Variants in CSMD1 observed in about 807,000 individuals in gnomAD.
CSMD1 encodes the protein CUB and Sushi multiple domains 1.
In CSMD1, 213 loss-of-function variants were observed where a neutral mutation model predicts 417.5. The ratio of observed to expected loss-of-function variants is 0.51; its 90% CI spans 0.46 to 0.57. The LOEUF is 0.57. CSMD1 is among the 20% of genes least tolerant of loss of function. The pLI is 0.00. For missense variants in CSMD1, 6,923 were observed against 4,529.7 expected (o/e 1.53, Z -15.17); for synonymous variants, 2,862 against 1,736.8 (o/e 1.65, Z -16.11).
intron 2 of CSMD1, among the ~76,000 whole-genome samples, chr8:4,582,882 G>A (rs986715083): frequency 3.9e-5 from 6 of 152,364 alleles, no homozygotes; most frequent in Admixed American, 2.6e-4. Flanking sequence ...GCCAGCTGGA[G>A]TTCCGGGTGG....
At chr8:4,836,615 G>A (rs1382823829) in intron 1 of CSMD1, among the ~76,000 whole-genome samples, 1 of 152,194 alleles carries the variant, frequency 6.6e-6, no homozygotes, top group East Asian at 1.9e-4. Context: ...TGTATACTCT[G>A]CTTTTGTTCT....
intron 3 of CSMD1, among the ~76,000 whole-genome samples, chr8:4,370,117 T>G (rs1202667079): frequency 6.6e-6 from 1 of 151,856 alleles, no homozygotes; most frequent in Non-Finnish European, 1.5e-5. Context: ...GCCTTTTAGA[T>G]AGTCTGGTAA....
At chr8:3,308,722 C>T (rs969740874) in intron 23 of CSMD1, among the ~76,000 whole-genome samples, 3 of 140,552 alleles carry the variant, frequency 2.1e-5, no homozygotes, top group Non-Finnish European at 4.6e-5. Flanking sequence ...TTGTTCCTCC[C>T]TACTTACAAG....
intron 1 of CSMD1, among the ~76,000 whole-genome samples, chr8:4,852,093 T>C (rs369747284): frequency 2.0e-5 from 3 of 152,200 alleles, no homozygotes; most frequent in African/African-American, 7.2e-5. Context: ...TCTCTTTATA[T>C]CTTTTACTTG....
intron 30 of CSMD1, among the ~76,000 whole-genome samples, chr8:3,208,540 C>G (rs1347150070): frequency 6.6e-6 from 1 of 152,128 alleles, no homozygotes; most frequent in Non-Finnish European, 1.5e-5. Context: ...GCTGGGATTA[C>G]AGGGCTGAGC....
intron 3 of CSMD1, among the ~76,000 whole-genome samples, chr8:4,182,819 A>C (rs1286403482): frequency 6.6e-6 from 1 of 152,306 alleles, no homozygotes; most frequent in East Asian, 1.9e-4. Context: ...TAAAACATGC[A>C]ATTATAAGGG....
At chr8:4,512,641 C>T (rs552530145) in intron 2 of CSMD1, among the ~76,000 whole-genome samples, 6 of 151,876 alleles carry the variant, frequency 4.0e-5, no homozygotes, top group African/African-American at 1.2e-4. Context: ...TTTTATATAC[C>T]GGCAATGAAA....
At chr8:3,050,263 G>C (rs1811733017) in intron 50 of CSMD1, among the ~76,000 whole-genome samples, 2 of 152,176 alleles carry the variant, frequency 1.3e-5, no homozygotes, top group Admixed American at 6.5e-5. Flanking sequence ...AAGGGGTATA[G>C]GATTTAGAAC....
At chr8:4,237,354 A>T (rs902054605) in intron 3 of CSMD1, among the ~76,000 whole-genome samples, 6 of 152,014 alleles carry the variant, frequency 3.9e-5, no homozygotes. Flanking sequence ...AACAGAAAAC[A>T]TTATTTCTGA....
chr8:4,346,177 A>G (rs1000250044), intron 3 of CSMD1, among the ~76,000 whole-genome samples: 1 of 152,188 alleles, frequency 6.6e-6, no homozygotes, highest in Non-Finnish European at 1.5e-5. Flanking sequence ...TAACAATCAA[A>G]TATGGCCTGC....
At chr8:3,865,507 A>C (rs1297096857) in intron 5 of CSMD1, among the ~76,000 whole-genome samples, 1 of 151,802 alleles carries the variant, frequency 6.6e-6, no homozygotes, top group African/African-American at 2.4e-5. Flanking sequence ...GGGTGACAAT[A>C]GTGGGGGAAA....
intron 1 of CSMD1, among the ~76,000 whole-genome samples, chr8:4,791,629 G>A (rs1440671709): frequency 6.6e-6 from 1 of 152,132 alleles, no homozygotes; most frequent in Non-Finnish European, 1.5e-5. Context: ...CGTAAGGGTT[G>A]AGCTCACTTA....
chr8:4,251,358 T>C (rs1803059617), intron 3 of CSMD1, among the ~76,000 whole-genome samples: 1 of 151,988 alleles, frequency 6.6e-6, no homozygotes. Flanking sequence ...AATTTAAGAG[T>C]TTGGAAGGTT....
intron 5 of CSMD1, among the ~76,000 whole-genome samples, chr8:3,900,297 CTG>C (rs1165974910): frequency 6.7e-6 from 1 of 149,350 alleles, no homozygotes; most frequent in African/African-American, 2.5e-5. Flanking sequence ...CTGCGTGACA[CTG>C]TAGCTGGGTG....
chr8:3,285,344 A>C (rs1803065133), intron 25 of CSMD1, among the ~76,000 whole-genome samples: 1 of 152,080 alleles, frequency 6.6e-6, no homozygotes, highest in Non-Finnish European at 1.5e-5. Context: ...TATAGCAGAT[A>C]GTAGATCTTT....
intron 21 of CSMD1, among the ~76,000 whole-genome samples, chr8:3,356,079 A>G (rs941029440): frequency 6.6e-6 from 1 of 152,260 alleles, no homozygotes; most frequent in Non-Finnish European, 1.5e-5. Context: ...GATGCTCACT[A>G]GAAATTCCAT....
chr8:3,990,935 G>A (rs1220532070), intron 5 of CSMD1, among the ~76,000 whole-genome samples: 1 of 152,288 alleles, frequency 6.6e-6, no homozygotes, highest in East Asian at 1.9e-4. Flanking sequence ...CCTGGTGAAA[G>A]CATCATCTCT....
At chr8:3,300,972 A>AC (rs1461152951) in intron 25 of CSMD1, among the ~76,000 whole-genome samples, 1 of 149,762 alleles carries the variant, frequency 6.7e-6, no homozygotes, top group Non-Finnish European at 1.5e-5. Context: ...AAAAAAAAAA[A>AC]AAAAAAAAAG....
chr8:3,213,449 T>C (rs1026835054), intron 30 of CSMD1, among the ~76,000 whole-genome samples: 1 of 152,164 alleles, frequency 6.6e-6, no homozygotes, highest in Non-Finnish European at 1.5e-5. Flanking sequence ...CCAGGAAGTC[T>C]ACCCTCCCAC....
Sources: gnomAD v4.1 joint callset for allele counts (sites outside exome capture counted in the v4.1 genomes callset) on GRCh38, gnomAD v4.1.1 for gene constraint, MANE v1.5 for transcripts, NCBI Gene and HGNC (gene_info 2026-07-23, HGNC 2026-07-21) for gene names.